TDP1: variants seen among roughly 807,000 people sequenced by gnomAD.
The protein encoded by TDP1 is tyrosyl-DNA phosphodiesterase 1, also known as tyr-DNA phosphodiesterase 1.
In TDP1, 64 loss-of-function variants were observed where a neutral mutation model predicts 81.5. The ratio of observed to expected loss-of-function variants is 0.79; its 90% CI spans 0.64 to 0.97. The LOEUF (loss-of-function observed/expected upper bound fraction) is 0.97, where lower values mean the gene tolerates loss of function less well. Ranked by LOEUF, TDP1 falls within the 50% of genes least tolerant of loss-of-function variation. The pLI is 0.00. For synonymous variants in TDP1, 256 were observed against 264.3 expected (o/e 0.97, Z 0.30); for missense variants, 723 against 743.8 (o/e 0.97, Z 0.33).
intron 12 of TDP1, 77 bp from the exon 13 acceptor site, chr14:89,991,840 A>G (rs1896216923): frequency 2.1e-6 from 3 of 1,407,532 alleles, no homozygotes; most frequent in South Asian, 2.5e-5. Context: ...CTTGCTGTTT[A>G]TTGTAGATTT....
chr14:90,023,474 G>C (rs1667525383), intron 15 of TDP1, among the ~76,000 whole-genome samples: 1 of 152,064 alleles, frequency 6.6e-6, no homozygotes, highest in Non-Finnish European at 1.5e-5. Context: ...TTTTAAGCAG[G>C]GCTAGTGGTC....
intron 14 of TDP1, among the ~76,000 whole-genome samples, chr14:90,002,773 TGAG>T (rs1219908250): frequency 1.3e-5 from 2 of 150,498 alleles, no homozygotes; most frequent in African/African-American, 4.9e-5. Flanking sequence ...CTCAGGAGGC[TGAG>T]GTGGGAAGAT....
intron 14 of TDP1, among the ~76,000 whole-genome samples, chr14:90,003,269 C>T (rs1897340833): frequency 6.6e-6 from 1 of 152,228 alleles, no homozygotes; most frequent in Non-Finnish European, 1.5e-5. Flanking sequence ...GTCACAATTA[C>T]TCTATTTAAT....
At chr14:89,979,439 A>G (rs1894732506) in intron 7 of TDP1, among the ~76,000 whole-genome samples, 2 of 151,720 alleles carry the variant, frequency 1.3e-5, no homozygotes, top group African/African-American at 4.8e-5. Context: ...CCTGCTTAGT[A>G]GCTGTGATTA....
chr14:89,961,478 A>T (rs75530159), intron 2 of TDP1, among the ~76,000 whole-genome samples: 4 of 152,190 alleles, frequency 2.6e-5, no homozygotes, highest in Non-Finnish European at 5.9e-5. Flanking sequence ...CATAGTTTAA[A>T]GGTAGCAGTG....
rs1255889708 is a variant in TDP1 at position 89,993,471 on chromosome 14, T to C, written c.1529T>C (p.Phe510Ser). 16 of 1,613,298 alleles carry C rather than the reference T, an allele frequency of 9.9e-6. No individual in the cohort carries two copies. Among genetic ancestry groups the C allele is most frequent in the African/African-American group, 1.3e-5 (1 of 74,912 alleles). ...CCAGACTTCAGTAAAATTGCTTGGT[T>C]CCTTGTCACAAGGTAAATAGTCCTT... The part of the protein sequence containing the change: ...PSPDFSKIAW[F>S]LVTSANLSKA... Residue 510 changes from phenylalanine (F) to serine (S), a missense_variant, in exon 14 of 17, where the codon TTC becomes TCC. Phe to Ser is a radical substitution (Grantham distance 155). Transcript: ENST00000335725.
intron 16 of TDP1, among the ~76,000 whole-genome samples, chr14:90,036,166 A>T (rs974975862): frequency 2.6e-5 from 4 of 152,094 alleles, no homozygotes; most frequent in African/African-American, 4.8e-5. Context: ...ATAATAATAA[A>T]TTTTTTAAAA....
At chr14:89,980,108 A>G (rs987961422) in intron 7 of TDP1, 171 of 962,424 alleles carry the variant, frequency 1.8e-4, no homozygotes, top group Non-Finnish European at 1.9e-4. Context: ...CAGTAATTAA[A>G]TATATACAGT....
At chr14:90,038,197 A>AT (rs1301095382) in intron 16 of TDP1, among the ~76,000 whole-genome samples, 1 of 152,190 alleles carries the variant, frequency 6.6e-6, no homozygotes, top group Non-Finnish European at 1.5e-5. Context: ...TTTTTTTAAA[A>AT]TTTAAGTGGC....
At chr14:89,958,459 C>G (rs971941980) in intron 2 of TDP1, 3 of 152,312 alleles carry the variant, frequency 2.0e-5, no homozygotes, top group East Asian at 3.8e-4. Context: ...TGGATGGCCC[C>G]TGCCCTGACC....
chr14:89,973,728 C>T (rs541071274), intron 6 of TDP1, among the ~76,000 whole-genome samples: 7 of 152,154 alleles, frequency 4.6e-5, no homozygotes, highest in African/African-American at 1.2e-4. Context: ...GTGTATTAGT[C>T]TGCTTGGGTG....
chr14:90,020,907 T>G (rs1237187750), intron 15 of TDP1, among the ~76,000 whole-genome samples: 5 of 150,786 alleles, frequency 3.3e-5, no homozygotes, highest in Non-Finnish European at 7.4e-5. Context: ...GTGATTTTCC[T>G]GCATCAGCCT....
In TDP1 at chr14:89,971,177, A is replaced by C. The variant is rs145987197; in HGVS notation, c.662A>C (p.Lys221Thr). ...LVKQYPPEFRKKPILLVHGDK... is the reference protein window; with the variant it reads ...LVKQYPPEFRTKPILLVHGDK... Reference sequence around the variant, plus strand: ...AAATACTAATGCTCTCTTTTTAGGAAGAAGCCAATCCTGCTTGTGCATGGT... The same window carrying C: ...AAATACTAATGCTCTCTTTTTAGGACGAAGCCAATCCTGCTTGTGCATGGT... The change falls in exon 6 of 17, where the codon AAG (lysine) becomes ACG (threonine). Residue 221 changes from lysine (K) to threonine (T), a missense_variant and splice_region_variant. Coordinates refer to ENST00000335725, the MANE Select transcript of TDP1 (RefSeq NM_018319.4). The C allele has an allele frequency of 4.0e-5, 65 of 1,613,586 alleles. No homozygotes were observed. In the African/African-American group the frequency reaches 7.7e-4, roughly 19 times the overall value.
At chr14:89,989,656 T>A in intron 11 of TDP1, 61 bp from the exon 12 acceptor site, 2 of 1,345,664 alleles carry the variant, frequency 1.5e-6, no homozygotes, top group Non-Finnish European at 2.1e-6. Flanking sequence ...AAAAGCTGAT[T>A]ATCATTCCTT....
intron 14 of TDP1, among the ~76,000 whole-genome samples, chr14:89,998,436 G>GTATGTATGTATGTATATGTA (rs1555390662): frequency 1.9e-5 from 2 of 106,462 alleles, no homozygotes; most frequent in African/African-American, 1.0e-4. Context: ...ATGTATGTAT[G>GTATGTATGTATGTATATGTA]TATGTATATG....
chr14:89,967,522 T>C (rs940717614), intron 5 of TDP1, 100 bp downstream of exon 5: 27 of 1,043,132 alleles, frequency 2.6e-5, no homozygotes, highest in Non-Finnish European at 3.9e-5. Context: ...CTTTTGAGTT[T>C]TTCTTTTGAA....
At chr14:90,037,241 C>T (rs1887909544) in intron 16 of TDP1, among the ~76,000 whole-genome samples, 1 of 152,152 alleles carries the variant, frequency 6.6e-6, no homozygotes, top group Non-Finnish European at 1.5e-5. Context: ...TAATCTTAAC[C>T]TTTCTTCCAA....
In TDP1 at chr14:89,963,570, G is replaced by A. The variant is rs1228304341; in HGVS notation, c.456G>A (p.Gln152=). 1.2e-6 allele frequency: 2 copies of A among 1,613,490 alleles called. No homozygotes were observed. The highest frequency in any genetic ancestry group is 1.7e-6 in the Non-Finnish European group (2 of 1,179,702). Residue 152 remains glutamine (Q), a synonymous_variant, in exon 3 of 17, where the codon CAG becomes CAA. Coordinates refer to ENST00000335725, the MANE Select transcript of TDP1 (RefSeq NM_018319.4). ...EDEYETSGEG[Q]DIWDMLDKGN... is the part of the protein sequence containing the mutation. Reference sequence around the variant, plus strand: ...AGTATGAGACATCAGGGGAGGGCCAGGACATTTGGGACATGCTGGATAAAG... The same window carrying A: ...AGTATGAGACATCAGGGGAGGGCCAAGACATTTGGGACATGCTGGATAAAG...
Position 89,963,543 on chromosome 14 carries a change from C to T in TDP1, c.429C>T (p.Asp143=), listed in dbSNP as rs935815187. ...PACHRLKEEE[D]EYETSGEGQD... ...GCCACAGGCTCAAAGAGGAGGAAGA[C>T]GAGTATGAGACATCAGGGGAGGGCC... Residue 143 remains aspartate (D), a synonymous_variant, in exon 3 of 17, where the codon GAC becomes GAT. Transcript: ENST00000335725. The T allele has an allele frequency of 5.0e-6, 8 of 1,608,276 alleles. No homozygotes were observed. The African/African-American group carries it at 5.4e-5, about 11-fold the overall frequency.
Sources: allele counts gnomAD v4.1 joint callset (sites outside exome capture counted in the v4.1 genomes callset), GRCh38; gene constraint gnomAD v4.1.1; transcripts MANE v1.5; gene names NCBI Gene and HGNC (gene_info 2026-07-23, HGNC 2026-07-21).